CBFB: variants seen among roughly 807,000 people sequenced by gnomAD.
CBFB encodes the protein CBF-beta.
CBFB carries 9 observed loss-of-function variants against 30.4 expected under a neutral mutation model. The observed-to-expected ratio is 0.30, with a 90% CI of 0.18 to 0.52. The LOEUF is 0.52. Among genes scored for constraint, CBFB ranks in the 20% least tolerant of loss-of-function variants. The pLI, the probability that CBFB is intolerant of heterozygous loss-of-function variation, is 0.97. For missense variants in CBFB, 170 were observed against 244.0 expected, an observed-to-expected ratio of 0.70 and a Z score of 2.02; for synonymous variants, 94 against 84.0, an observed-to-expected ratio of 1.12 and a Z score of -0.65.
intron 3 of CBFB, among the ~76,000 whole-genome samples, chr16:67,046,948 T>C (rs978069232): frequency 2.6e-5 from 4 of 152,154 alleles, no homozygotes; most frequent in Non-Finnish European, 5.9e-5. Flanking sequence ...AAGTATTATC[T>C]GTTATAAGCT....
At chr16:67,033,651 G>T (rs547203805) in intron 2 of CBFB, among the ~76,000 whole-genome samples, 1 of 145,306 alleles carries the variant, frequency 6.9e-6, no homozygotes, top group Non-Finnish European at 1.5e-5. Context: ...TTGCTCTGTC[G>T]CCCAGGCTGG....
At chr16:67,053,797 C>G (rs1334943656) in intron 3 of CBFB, among the ~76,000 whole-genome samples, 2 of 151,168 alleles carry the variant, frequency 1.3e-5, no homozygotes, top group East Asian at 3.9e-4. Context: ...GTTAGCTGCT[C>G]TGGTATTTTC....
chr16:67,081,394 A>T (rs1961549716), intron 4 of CBFB, among the ~76,000 whole-genome samples: 1 of 152,148 alleles, frequency 6.6e-6, no homozygotes, highest in African/African-American at 2.4e-5. Context: ...TGTTCACAAT[A>T]GCAAAGACTT....
intron 5 of CBFB, among the ~76,000 whole-genome samples, chr16:67,097,161 AG>A (rs1204016306): frequency 6.6e-6 from 1 of 152,156 alleles, no homozygotes; most frequent in African/African-American, 2.4e-5. Flanking sequence ...TGAGCCGGGG[AG>A]GCAGAGGTTG....
intron 4 of CBFB, 75 bp from the exon 5 acceptor site, chr16:67,082,138 A>AC: frequency 7.8e-7 from 1 of 1,286,452 alleles, no homozygotes; most frequent in South Asian, 1.7e-5. Flanking sequence ...GGAAAAAAAA[A>AC]AAAAAAACAA....
intron 3 of CBFB, among the ~76,000 whole-genome samples, chr16:67,058,513 G>A (rs1156283515): frequency 6.6e-6 from 1 of 152,102 alleles, no homozygotes; most frequent in Non-Finnish European, 1.5e-5. Context: ...CTATTGTAGT[G>A]CTGGAATCTC....
chr16:67,045,882 G>A (rs927836806), intron 3 of CBFB, among the ~76,000 whole-genome samples: 5 of 148,054 alleles, frequency 3.4e-5, no homozygotes, highest in African/African-American at 7.5e-5. Context: ...TGCAACCTCC[G>A]CCTCCCAGGT....
rs1430829397 is a variant in CBFB at position 67,029,497 on chromosome 16, G to A, written c.78+12G>A. ...GCCGCGAGTGTGAGGTGAGGCAGGC[G>A]GGCGGGCGGCTAGGAGGCCGCAGCG... On this transcript the variant is annotated intron_variant, in intron 1 of 5. Coordinates refer to ENST00000412916, the MANE Select transcript of CBFB (RefSeq NM_022845.3). The A allele has an allele frequency of 1.3e-6, 2 of 1,581,236 alleles. No individual in the cohort carries two copies. Among genetic ancestry groups the A allele is most frequent in the Admixed American group, 1.8e-5 (1 of 56,472 alleles).
chr16:67,079,515 C>CTT (rs34164177), intron 4 of CBFB, among the ~76,000 whole-genome samples: 3,590 of 98,516 alleles, frequency 0.036, 147 homozygotes, highest in African/African-American at 0.08. Flanking sequence ...GGCCCTGGGT[C>CTT]TTTTTTTTTT....
intron 3 of CBFB, among the ~76,000 whole-genome samples, chr16:67,038,280 G>GTGTGTATATATATATATACACGTATATA (rs1478448301): frequency 8.8e-5 from 13 of 148,224 alleles, no homozygotes; most frequent in Admixed American, 2.7e-4. Context: ...ATTTAATCTT[G>GTGTGTATATATATATATACACGTATATA]TGTGTATATA....
At chr16:67,038,955 A>C (rs1257555710) in intron 3 of CBFB, among the ~76,000 whole-genome samples, 1 of 152,228 alleles carries the variant, frequency 6.6e-6, no homozygotes, top group Non-Finnish European at 1.5e-5. Context: ...ACTAGTGTGA[A>C]GACCACATAA....
At position 67,037,712 on chromosome 16, in the gene CBFB, G is replaced by T. The variant is rs192226966; in HGVS notation, c.282+957G>T. Among the ~76,000 whole-genome samples, 63 of 146,266 alleles carry T rather than the reference G, an allele frequency of 4.3e-4. 1 individual carries two copies. The highest frequency in any genetic ancestry group is 1.4e-4 in the Admixed American group (2 of 14,384). ...AGATGGAGTCTCCCTCTGTTGCCCA[G>T]GCTGGAGTGCAGTGGTGTGATCTTG... On this transcript the variant is annotated intron_variant, in intron 3 of 5. Coordinates refer to ENST00000412916, the MANE Select transcript of CBFB (RefSeq NM_022845.3).
At chr16:67,086,178 A>G (rs1455589080) in intron 5 of CBFB, among the ~76,000 whole-genome samples, 1 of 152,210 alleles carries the variant, frequency 6.6e-6, no homozygotes, top group Non-Finnish European at 1.5e-5. Flanking sequence ...AGACTTCCAC[A>G]CCATGCCCTT....
rs1268257360 is a variant in CBFB at position 67,029,316 on chromosome 16, G to GA, written c.-92_-91insA. On this transcript the variant is annotated 5_prime_UTR_variant, in exon 1 of 6. Transcript: ENST00000412916. ...GGGAAGCGGGCGTCCGGGCGCCGCG[G>GA]GTGGGCGGTCAGTCGGTCAGCGCGG... The GA allele has an allele frequency of 2.8e-5, 24 of 860,918 alleles. No individual in the cohort carries two copies. The highest frequency in any genetic ancestry group is 3.4e-5 in the Non-Finnish European group (22 of 639,972). 53.3% of individuals were successfully genotyped at this position (860,918 alleles called of 1,614,324 possible).
chr16:67,084,871 A>T (rs1254425329), intron 5 of CBFB, among the ~76,000 whole-genome samples: 1 of 152,060 alleles, frequency 6.6e-6, no homozygotes. Context: ...GTCAGCTTGG[A>T]CAGCTTACTT....
chr16:67,097,214 CAG>C (rs1962074748), intron 5 of CBFB, among the ~76,000 whole-genome samples: 1 of 151,924 alleles, frequency 6.6e-6, no homozygotes, highest in East Asian at 1.9e-4. Flanking sequence ...GTCTTGGTGA[CAG>C]AGTGAGACCC....
chr16:67,087,585 G>A (rs1961766592), intron 5 of CBFB, among the ~76,000 whole-genome samples: 1 of 152,170 alleles, frequency 6.6e-6, no homozygotes, highest in East Asian at 1.9e-4. Context: ...TAAATACATT[G>A]TTAATTTGAT....
intron 3 of CBFB, among the ~76,000 whole-genome samples, chr16:67,041,990 C>G (rs1966539600): frequency 6.6e-6 from 1 of 151,494 alleles, no homozygotes; most frequent in Non-Finnish European, 1.5e-5. Context: ...TCACTGCAGC[C>G]TCAATGTCCC....
At chr16:67,029,507 C>G (rs1200700452) in intron 1 of CBFB, 22 bp downstream of exon 1, 1 of 1,574,176 alleles carries the variant, frequency 6.4e-7, no homozygotes, top group Admixed American at 1.8e-5. Flanking sequence ...GGGCGGGCGG[C>G]TAGGAGGCCG....
Sources: allele counts gnomAD v4.1 joint callset (sites outside exome capture counted in the v4.1 genomes callset), GRCh38; gene constraint gnomAD v4.1.1; transcripts MANE v1.5; gene names NCBI Gene and HGNC (gene_info 2026-07-23, HGNC 2026-07-21).